TRIM5: variants seen among roughly 807,000 people sequenced by gnomAD.
The protein encoded by TRIM5 is tripartite motif containing 5.
TRIM5 carries 31 observed loss-of-function variants against 35.6 expected under a neutral mutation model. That is an observed-to-expected ratio of 0.87 (90% CI 0.65 to 1.18). The LOEUF (loss-of-function observed/expected upper bound fraction) is 1.18. Among genes scored for constraint, TRIM5 ranks in the 50% most tolerant of loss-of-function variants. The pLI is 0.00. For synonymous variants in TRIM5, 243 were observed against 215.6 expected (o/e 1.13, Z -1.11); for missense variants, 609 against 591.6 (o/e 1.03, Z -0.31).
rs185113430 is a variant in TRIM5 at position 5,664,506 on chromosome 11, T to G, written c.*303A>C. On this transcript the variant is annotated 3_prime_UTR_variant, in exon 8 of 8. Coordinates refer to ENST00000380034, the MANE Select transcript of TRIM5 (RefSeq NM_033034.3). Reference sequence around the variant, plus strand: ...TCTTCTTAGTCAGTGTCAGAGGCAATTGGGTGATAAATATCTGGCAGAAGT... The same window carrying G: ...TCTTCTTAGTCAGTGTCAGAGGCAAGTGGGTGATAAATATCTGGCAGAAGT... 7.4e-6 allele frequency: 8 copies of G among 1,081,212 alleles called. No individual in the cohort carries two copies. Among genetic ancestry groups the G allele is most frequent in the Non-Finnish European group, 9.0e-6 (8 of 890,476 alleles). 67.0% of individuals were successfully genotyped at this position (1,081,212 alleles called of 1,614,324 possible).
At chr11:5,652,852 C>CTTTTTTTT in the TRIM5 span, among the ~76,000 whole-genome samples, 1 of 143,658 alleles carries the variant, frequency 7.0e-6, no homozygotes, top group African/African-American at 2.6e-5. Flanking sequence ...TTTTCTTTTT[C>CTTTTTTTT]TTTTTTTTTT....
At chr11:5,677,976 A>G (rs1852122421) in intron 4 of TRIM5, 1 of 413,812 alleles carries the variant, frequency 2.4e-6, no homozygotes, top group African/African-American at 2.0e-5. Context: ...GAGCTAATTG[A>G]TCATCTCCAC....
At chr11:5,615,813 G>A in the TRIM5 span, among the ~76,000 whole-genome samples, 1 of 151,726 alleles carries the variant, frequency 6.6e-6, no homozygotes, top group Non-Finnish European at 1.5e-5. Flanking sequence ...TATTGGTCTC[G>A]AACTCCTGAC....
At chr11:5,684,247 C>G (rs1180824579) in intron 1 of TRIM5, 1 of 152,768 alleles carries the variant, frequency 6.5e-6, no homozygotes, top group Non-Finnish European at 1.5e-5. Context: ...GGCTAACACT[C>G]CTTTCTCTCC....
At chr11:5,606,743 G>A in the TRIM5 span, among the ~76,000 whole-genome samples, 8 of 151,982 alleles carry the variant, frequency 5.3e-5, no homozygotes, top group East Asian at 1.9e-4. Flanking sequence ...CAAATGAATC[G>A]TCAATTCATA....
chr11:5,635,103 A>G, the TRIM5 span, among the ~76,000 whole-genome samples: 1 of 152,078 alleles, frequency 6.6e-6, no homozygotes, highest in African/African-American at 2.4e-5. Context: ...ATTATATGTG[A>G]TCTAGTGTCA....
chr11:5,607,203 C>CA, the TRIM5 span, among the ~76,000 whole-genome samples: 5,537 of 146,214 alleles, frequency 0.038, 204 homozygotes, highest in East Asian at 0.17. Flanking sequence ...GACTCCATCT[C>CA]AAAAAAAAAA....
the TRIM5 span, among the ~76,000 whole-genome samples, chr11:5,637,242 G>A: frequency 6.6e-6 from 1 of 152,142 alleles, no homozygotes; most frequent in Non-Finnish European, 1.5e-5. Flanking sequence ...GAGAGTCCCT[G>A]TAACAGCTTT....
At chr11:5,641,064 C>T in the TRIM5 span, 2 of 1,430,684 alleles carry the variant, frequency 1.4e-6, no homozygotes, top group South Asian at 1.6e-5. Context: ...TCATATAACT[C>T]ACTTCTGATT....
intron 4 of TRIM5, among the ~76,000 whole-genome samples, chr11:5,671,370 G>A (rs1337726076): frequency 1.3e-5 from 2 of 150,024 alleles, no homozygotes; most frequent in Non-Finnish European, 1.5e-5. Context: ...GACCCCAGAT[G>A]TTGGAGCTAG....
chr11:5,667,626 T>C lies in TRIM5; in HGVS notation c.767+63A>G. The C allele has an allele frequency of 2.6e-6, 4 of 1,560,146 alleles. No homozygotes were observed. In the South Asian group the frequency reaches 3.5e-5, roughly 14 times the overall value. ...TTTATTCTAATTAAACCCAGGACAA[T>C]TCTAATGGCTATAAATCTCTCCTCA... On this transcript the variant is annotated intron_variant, in intron 5 of 7. Transcript: ENST00000380034.
chr11:5,679,996 C>T lies in TRIM5; in HGVS notation c.182G>A (p.Ser61Asn). 1 of 1,614,158 alleles carries T rather than the reference C, an allele frequency of 6.2e-7. No homozygotes were observed. ...AGGCCGTATGTTCTCAGGCTGGTAA[C>T]TGATCCGGCACACAGGGCAGCTACT... Reference protein sequence around the residue: ...GESSCPVCRISYQPENIRPNR... With the variant: ...GESSCPVCRINYQPENIRPNR... The change falls in exon 2 of 8, where the codon AGT (serine) becomes AAT (asparagine). Residue 61 changes from serine to asparagine, a missense_variant. By Grantham distance (46) the Ser-to-Asn change is conservative. Transcript: ENST00000380034.
chr11:5,676,013 C>T (rs1165118440), intron 4 of TRIM5, among the ~76,000 whole-genome samples: 3 of 134,614 alleles, frequency 2.2e-5, no homozygotes, highest in Non-Finnish European at 3.3e-5. Flanking sequence ...CATCCATGTC[C>T]CTACAAAGGA....
At chr11:5,636,262 A>G in the TRIM5 span, among the ~76,000 whole-genome samples, 3 of 152,248 alleles carry the variant, frequency 2.0e-5, no homozygotes, top group African/African-American at 7.2e-5. Context: ...AATTGAAAGA[A>G]GGCAAACACA....
At chr11:5,627,587 GC>G in the TRIM5 span, among the ~76,000 whole-genome samples, 4 of 152,170 alleles carry the variant, frequency 2.6e-5, no homozygotes, top group African/African-American at 9.7e-5. Context: ...TTAAAAAATA[GC>G]TTTTTGGAGA....
chr11:5,605,240 C>G, the TRIM5 span: 2 of 1,541,336 alleles, frequency 1.3e-6, no homozygotes, highest in South Asian at 1.1e-5. Context: ...GAGGCTTGGC[C>G]CAGGAAAGCA....
the TRIM5 span, among the ~76,000 whole-genome samples, chr11:5,645,171 C>T: frequency 1.3e-5 from 2 of 152,138 alleles, no homozygotes; most frequent in African/African-American, 4.8e-5. Flanking sequence ...AAGAGAGGAT[C>T]ACGTGAGGTC....
chr11:5,628,986 A>G, the TRIM5 span, among the ~76,000 whole-genome samples: 1 of 152,040 alleles, frequency 6.6e-6, no homozygotes, highest in Non-Finnish European at 1.5e-5. Flanking sequence ...TTATAAAAAC[A>G]CAGGTCAAGG....
At chr11:5,596,537 C>CT in the TRIM5 span, 8 of 13,972 alleles carry the variant, frequency 5.7e-4, no homozygotes, top group East Asian at 3.3e-3. Flanking sequence ...CTTCCCCCTT[C>CT]CCCCTTCCCC....
Sources: gnomAD v4.1 joint callset for allele counts (sites outside exome capture counted in the v4.1 genomes callset) on GRCh38, gnomAD v4.1.1 for gene constraint, MANE v1.5 for transcripts, NCBI Gene and HGNC (gene_info 2026-07-23, HGNC 2026-07-21) for gene names.